COL4A5: variants seen among roughly 807,000 people sequenced by gnomAD.
COL4A5 encodes collagen type IV alpha 5 chain.
A neutral mutation model predicts 130.2 loss-of-function variants in COL4A5; 26 were observed. The observed-to-expected ratio is 0.20, with a 90% confidence interval of 0.15 to 0.28. COL4A5 has a LOEUF of 0.28. Ranked by LOEUF, COL4A5 falls within the 10% of genes least tolerant of loss-of-function variation. The pLI is 1.00. For missense variants in COL4A5, 1,131 were observed against 1,344.3 expected (o/e 0.84, Z 2.48); for synonymous variants, 496 against 439.6 (o/e 1.13, Z -1.60).
chrX:108,611,884 A>C (rs2066842442), intron 29 of COL4A5, among the ~76,000 whole-genome samples: 1 of 111,442 alleles, frequency 9.0e-6, no homozygotes, highest in Non-Finnish European at 1.9e-5. Flanking sequence ...TCATGAACAT[A>C]GACATAAAAA....
At chrX:108,590,993 T>C in intron 19 of COL4A5, 65 bp from the exon 20 acceptor site, 1 of 984,603 alleles carries the variant, frequency 1.0e-6, no homozygotes, top group Non-Finnish European at 1.4e-6. Flanking sequence ...TTATCTAATG[T>C]CTCAATGAGA....
intron 1 of COL4A5, among the ~76,000 whole-genome samples, chrX:108,524,912 A>G (rs976848496): frequency 5.4e-5 from 6 of 111,946 alleles, no homozygotes; most frequent in Admixed American, 4.8e-4. Flanking sequence ...GGCCTAGCAT[A>G]TGATCTATCC....
At chrX:108,680,034 G>T (rs777312726) in intron 44 of COL4A5, among the ~76,000 whole-genome samples, 1 of 111,890 alleles carries the variant, frequency 8.9e-6, no homozygotes, top group African/African-American at 3.2e-5. Flanking sequence ...GGCTTAAGTA[G>T]GGAAAGTTCT....
At chrX:108,473,613 G>GTATATATATATATATATATA (rs1230922272) in intron 1 of COL4A5, among the ~76,000 whole-genome samples, 10 of 46,080 alleles carry the variant, frequency 2.2e-4, no homozygotes, top group Non-Finnish European at 3.6e-4. Context: ...ATATATATAT[G>GTATATATATATATATATATA]TATATATATA....
chrX:108,651,815 C>T (rs2067735683), intron 36 of COL4A5, among the ~76,000 whole-genome samples: 1 of 111,732 alleles, frequency 8.9e-6, no homozygotes, highest in African/African-American at 3.2e-5. Flanking sequence ...TTGGCCTGCT[C>T]AGGCAGCCTT....
At chrX:108,518,710 C>T (rs1321195042) in intron 1 of COL4A5, among the ~76,000 whole-genome samples, 4 of 111,224 alleles carry the variant, frequency 3.6e-5, no homozygotes, top group African/African-American at 1.3e-4. Flanking sequence ...ACATCAGTAT[C>T]GATGAATTAC....
At chrX:108,523,446 C>A (rs1388511815) in intron 1 of COL4A5, among the ~76,000 whole-genome samples, 1 of 112,153 alleles carries the variant, frequency 8.9e-6, no homozygotes, top group African/African-American at 3.2e-5. Context: ...TCCCATTGAT[C>A]TACACGTCTG....
intron 49 of COL4A5, among the ~76,000 whole-genome samples, chrX:108,692,025 C>A (rs1007940510): frequency 9.0e-6 from 1 of 111,070 alleles, no homozygotes; most frequent in Non-Finnish European, 1.9e-5. Context: ...TTTAAACTTA[C>A]GATGAAATTT....
chrX:108,484,601 C>G (rs925326894), intron 1 of COL4A5, among the ~76,000 whole-genome samples: 1 of 112,525 alleles, frequency 8.9e-6, no homozygotes. Context: ...GAAGAATTCT[C>G]TGGATTACCA....
Position 108,551,754 on chromosome X carries a change from C to T in COL4A5, c.142-7310C>T, listed in dbSNP as rs557292857. Reference sequence around the variant, plus strand: ...AAGCAATCATTCTACTGAAGAGACACGTGCACTCATATGTTCATCACAGCA... The same window carrying T: ...AAGCAATCATTCTACTGAAGAGACATGTGCACTCATATGTTCATCACAGCA... On this transcript the variant is annotated intron_variant, in intron 2 of 52. Transcript: ENST00000328300. 3.8e-4 allele frequency among the ~76,000 whole-genome samples: 43 copies of T among 111,754 alleles called. 1 individual carries two copies. The South Asian group carries it at 0.015, about 40-fold the overall frequency.
At chrX:108,620,523 G>A in intron 31 of COL4A5, 97 bp downstream of exon 31, 2 of 725,362 alleles carry the variant, frequency 2.8e-6, no homozygotes, top group Non-Finnish European at 2.1e-6. Flanking sequence ...CTAGATTGAC[G>A]TGATCCCTTA....
At chrX:108,669,318 C>T (rs1303509386) in intron 41 of COL4A5, among the ~76,000 whole-genome samples, 1 of 111,990 alleles carries the variant, frequency 8.9e-6, no homozygotes, top group Non-Finnish European at 1.9e-5. Context: ...AGTAAATGTC[C>T]TTTTATTCTT....
chrX:108,630,748 G>A (rs2067239393), intron 36 of COL4A5, among the ~76,000 whole-genome samples: 1 of 111,546 alleles, frequency 9.0e-6, no homozygotes, highest in Non-Finnish European at 1.9e-5. Context: ...TGTCCTGAAT[G>A]GTATTGCCTA....
At chrX:108,555,504 CAT>C (rs1208800581) in intron 2 of COL4A5, among the ~76,000 whole-genome samples, 92 of 111,942 alleles carry the variant, frequency 8.2e-4, no homozygotes, top group African/African-American at 2.8e-3. Context: ...GCCTTCTCCA[CAT>C]GTTTATATAA....
At chrX:108,688,812 C>T (rs2068596784) in intron 49 of COL4A5, among the ~76,000 whole-genome samples, 1 of 111,783 alleles carries the variant, frequency 8.9e-6, no homozygotes, top group East Asian at 2.8e-4. Flanking sequence ...CTCCCAGTTT[C>T]TGGGATCTCT....
intron 36 of COL4A5, among the ~76,000 whole-genome samples, chrX:108,631,642 C>T (rs2067262661): frequency 9.0e-6 from 1 of 111,525 alleles, no homozygotes; most frequent in Non-Finnish European, 1.9e-5. Context: ...TCTCACACCA[C>T]AGTGCAATCA....
rs1259268572 is a variant in COL4A5 at position 108,668,380 on chromosome X, G to A, written c.3666G>A (p.Lys1222=). 8.3e-7 allele frequency: 1 copy of A among 1,211,222 alleles called. No individual in the cohort carries two copies. Among genetic ancestry groups the A allele is most frequent in the Admixed American group, 2.2e-5 (1 of 46,044 alleles). The change falls in exon 41 of 53, where the codon AAG becomes AAA. Residue 1222 remains lysine, a synonymous_variant. Coordinates refer to ENST00000328300, the MANE Select transcript of COL4A5 (RefSeq NM_033380.3). Reference sequence around the variant, plus strand: ...GAAATCCTGGCCTTCCAGGTCCAAAGGGCGAACCAGGCTTTCACGGTTTCC... The same window carrying A: ...GAAATCCTGGCCTTCCAGGTCCAAAAGGCGAACCAGGCTTTCACGGTTTCC... The part of the protein sequence containing the change: ...IPGNPGLPGP[K]GEPGFHGFPG...
chrX:108,533,325 A>G (rs1381776835), intron 1 of COL4A5, among the ~76,000 whole-genome samples: 1 of 111,767 alleles, frequency 8.9e-6, no homozygotes, highest in Non-Finnish European at 1.9e-5. Context: ...TTGGATAGCC[A>G]CATGTAGAAG....
intron 41 of COL4A5, among the ~76,000 whole-genome samples, chrX:108,669,149 A>T: frequency 9.0e-6 from 1 of 111,569 alleles, no homozygotes; most frequent in Non-Finnish European, 1.9e-5. Context: ...TCACCTTTTC[A>T]TTTTGTATCT....
Sources: allele counts gnomAD v4.1 joint callset (sites outside exome capture counted in the v4.1 genomes callset), GRCh38; gene constraint gnomAD v4.1.1; transcripts MANE v1.5; gene names NCBI Gene and HGNC (gene_info 2026-07-23, HGNC 2026-07-21).